Variants in PBX1 observed in about 807,000 individuals in gnomAD.
PBX1 encodes the protein PBX homeobox 1.
A neutral mutation model predicts 53.4 loss-of-function variants in PBX1; 6 were observed. That is an observed-to-expected ratio of 0.11 (90% CI 0.06 to 0.22). The LOEUF (loss-of-function observed/expected upper bound fraction) is 0.22. Among genes scored for constraint, PBX1 ranks in the 10% least tolerant of loss-of-function variants. The pLI is 1.00. For missense variants in PBX1, 251 were observed against 551.4 expected (o/e 0.46, Z 5.46); for synonymous variants, 204 against 212.3 (o/e 0.96, Z 0.34).
At position 164,846,780 on chromosome 1, in the gene PBX1, G is replaced by A. The variant is rs1671591537; in HGVS notation, c.*104G>A. On this transcript the variant is annotated 3_prime_UTR_variant, in exon 9 of 9. Transcript: ENST00000420696. ...TGAAGCGGTCAGACTGGAGGTCGAA[G>A]CAATCAGCAAACACAATAAGAGTCT... is the stretch of plus-strand genomic sequence containing the variant. 1 of 1,591,818 alleles carries A rather than the reference G, an allele frequency of 6.3e-7. No individual in the cohort carries two copies. The highest frequency in any genetic ancestry group is 1.1e-5 in the South Asian group (1 of 89,216).
At chr1:164,763,812 C>G (rs1006383568) in intron 2 of PBX1, among the ~76,000 whole-genome samples, 4 of 152,210 alleles carry the variant, frequency 2.6e-5, no homozygotes, top group African/African-American at 9.7e-5. Context: ...AAGGGACTGA[C>G]TCCAATCATG....
chr1:164,804,350 C>T (rs370931430), intron 4 of PBX1, among the ~76,000 whole-genome samples: 1 of 152,090 alleles, frequency 6.6e-6, no homozygotes. Context: ...GTCCCCAGAG[C>T]TACAATCTTT....
downstream of PBX1, among the ~76,000 whole-genome samples, chr1:164,852,467 C>T (rs1671879888): frequency 1.3e-5 from 2 of 152,196 alleles, no homozygotes; most frequent in Non-Finnish European, 2.9e-5. Context: ...CTAGCTGGAA[C>T]ACCAGGCCTC....
At chr1:164,879,680 G>A (rs539461003) in intron 2 of PBX1, among the ~76,000 whole-genome samples, 2 of 152,328 alleles carry the variant, frequency 1.3e-5, no homozygotes, top group Non-Finnish European at 2.9e-5. Context: ...AGTCATGATG[G>A]TTAAATGTGT....
intron 2 of PBX1, among the ~76,000 whole-genome samples, chr1:164,772,288 A>T (rs1264398090): frequency 6.6e-6 from 1 of 152,236 alleles, no homozygotes; most frequent in African/African-American, 2.4e-5. Flanking sequence ...CTTTAAAAGA[A>T]CATGTGGTTT....
At chr1:164,868,821 A>G (rs1672281475) in intron 2 of PBX1, among the ~76,000 whole-genome samples, 1 of 152,166 alleles carries the variant, frequency 6.6e-6, no homozygotes, top group East Asian at 1.9e-4. Flanking sequence ...TCTAAAAGCC[A>G]GTTACAACCA....
chr1:164,703,733 C>T (rs982134716), intron 2 of PBX1, among the ~76,000 whole-genome samples: 1 of 152,188 alleles, frequency 6.6e-6, no homozygotes, highest in African/African-American at 2.4e-5. Context: ...TGCCTGAATC[C>T]AGGTGCATGC....
chr1:164,872,353 C>T (rs1304996059), intron 2 of PBX1, among the ~76,000 whole-genome samples: 1 of 152,158 alleles, frequency 6.6e-6, no homozygotes, highest in Non-Finnish European at 1.5e-5. Flanking sequence ...ATCTATAGTC[C>T]CTGTTCTCTT....
At chr1:164,664,747 G>A (rs1281597575) in intron 2 of PBX1, among the ~76,000 whole-genome samples, 1 of 152,204 alleles carries the variant, frequency 6.6e-6, no homozygotes, top group African/African-American at 2.4e-5. Flanking sequence ...GCAAGGAGGA[G>A]CAAGTCATAT....
At chr1:164,660,344 A>C (rs1045906911) in intron 2 of PBX1, among the ~76,000 whole-genome samples, 4 of 152,134 alleles carry the variant, frequency 2.6e-5, no homozygotes, top group Non-Finnish European at 5.9e-5. Flanking sequence ...TGGGGAACTT[A>C]CACTGGGTTT....
At chr1:164,620,689 C>CTT (rs71097542) in intron 2 of PBX1, among the ~76,000 whole-genome samples, 1 of 149,366 alleles carries the variant, frequency 6.7e-6, no homozygotes, top group Non-Finnish European at 1.5e-5. Flanking sequence ...CTTTTCTTTT[C>CTT]TTTTTTTTTT....
intron 2 of PBX1, among the ~76,000 whole-genome samples, chr1:164,635,504 G>A (rs965914532): frequency 3.2e-4 from 49 of 152,246 alleles, no homozygotes; most frequent in Non-Finnish European, 2.2e-4. Context: ...CTCGACAGGC[G>A]TTTGTCGGAC....
At chr1:164,875,732 C>G (rs1672488851) in intron 2 of PBX1, among the ~76,000 whole-genome samples, 1 of 152,070 alleles carries the variant, frequency 6.6e-6, no homozygotes, top group Admixed American at 6.5e-5. Flanking sequence ...AACCACACTC[C>G]TCTGAGCTGG....
rs368696249 is a variant in PBX1 at position 164,731,215 on chromosome 1, C to A, written c.266-61279C>A. 3.3e-5 allele frequency among the ~76,000 whole-genome samples: 5 copies of A among 151,604 alleles called. No homozygotes were observed. The South Asian group carries it at 1.0e-3, about 32-fold the overall frequency. On this transcript the variant is annotated intron_variant, in intron 2 of 8. Transcript: ENST00000420696. Reference sequence around the variant, plus strand: ...TCCATAAGAGGATGACCTACTTGACCTATTTTTGCAAGTATCTTTTGCCAT... The same window carrying A: ...TCCATAAGAGGATGACCTACTTGACATATTTTTGCAAGTATCTTTTGCCAT...
intron 2 of PBX1, among the ~76,000 whole-genome samples, chr1:164,663,836 A>ACT (rs1660654236): frequency 6.6e-6 from 1 of 152,214 alleles, no homozygotes; most frequent in Non-Finnish European, 1.5e-5. Context: ...TAGAGCTATG[A>ACT]CTAATCAGAT....
At chr1:164,702,019 T>C (rs1425126485) in intron 2 of PBX1, among the ~76,000 whole-genome samples, 3 of 152,128 alleles carry the variant, frequency 2.0e-5, no homozygotes, top group African/African-American at 7.2e-5. Flanking sequence ...AGACATATGT[T>C]TTTCCAGTGG....
At chr1:164,859,926 A>G (rs1672059905) in intron 2 of PBX1, among the ~76,000 whole-genome samples, 1 of 152,348 alleles carries the variant, frequency 6.6e-6, no homozygotes, top group South Asian at 2.1e-4. Context: ...TCCATTAACA[A>G]AGCCAGGAAG....
At chr1:164,750,114 A>G (rs1346872161) in intron 2 of PBX1, among the ~76,000 whole-genome samples, 1 of 151,082 alleles carries the variant, frequency 6.6e-6, no homozygotes, top group Non-Finnish European at 1.5e-5. Flanking sequence ...CGGAAGAAAA[A>G]AAAAAAGAGC....
chr1:164,559,921 C>T lies in PBX1; in HGVS notation c.99C>T (p.Thr33=). ...ACTTGCAGGATGGGGCCGGAGGGAC[C>T]GAGGGGGAGGGCGGGAGGAAGCAGG... ...SQHLQDGAGG[T]EGEGGRKQDI... The change falls in exon 1 of 9, where the codon ACC becomes ACT. Residue 33 remains threonine, a synonymous_variant. Transcript: ENST00000420696. 6.6e-7 allele frequency: 1 copy of T among 1,512,614 alleles called. No homozygotes were observed. Among genetic ancestry groups the T allele is most frequent in the Non-Finnish European group, 8.9e-7 (1 of 1,117,842 alleles). 93.7% of individuals were successfully genotyped at this position (1,512,614 alleles called of 1,614,324 possible).
Sources: allele counts gnomAD v4.1 joint callset (sites outside exome capture counted in the v4.1 genomes callset), GRCh38; gene constraint gnomAD v4.1.1; transcripts MANE v1.5; gene names NCBI Gene and HGNC (gene_info 2026-07-23, HGNC 2026-07-21).